Variants in NEBL observed in about 807,000 individuals in gnomAD.
The protein encoded by NEBL is nebulette.
Under a neutral mutation model 140.2 loss-of-function variants are expected in NEBL, and 122 were observed. That is an observed-to-expected ratio of 0.87 (90% CI 0.75 to 1.01). NEBL has a LOEUF of 1.01. Ranked by LOEUF, NEBL falls within the 50% of genes least tolerant of loss-of-function variation. NEBL has a pLI of 0.00. For missense variants in NEBL, 1,365 were observed against 1,231.3 expected (o/e 1.11, Z -1.62); for synonymous variants, 436 against 398.9 (o/e 1.09, Z -1.11).
chr10:20,800,941 T>C (rs1837063223), intron 26 of NEBL, among the ~76,000 whole-genome samples: 1 of 152,132 alleles, frequency 6.6e-6, no homozygotes, highest in African/African-American at 2.4e-5. Context: ...TTAAGTCTCC[T>C]ACAGGATAAA....
chr10:20,880,939 A>G, intron 4 of NEBL, 35 bp from the exon 5 acceptor site: 1 of 1,545,550 alleles, frequency 6.5e-7, no homozygotes, highest in South Asian at 1.1e-5. Context: ...TCCCATTTAG[A>G]GGCATATAAA....
intron 3 of NEBL, among the ~76,000 whole-genome samples, chr10:20,978,538 G>A (rs1589101870): frequency 6.6e-6 from 1 of 152,050 alleles, no homozygotes; most frequent in Admixed American, 6.6e-5. Context: ...GGAAGGATTG[G>A]TTGAGGCCAG....
intron 26 of NEBL, among the ~76,000 whole-genome samples, chr10:20,807,504 A>G (rs1837712825): frequency 2.0e-5 from 3 of 152,246 alleles, no homozygotes; most frequent in Non-Finnish European, 4.4e-5. Context: ...CAGTTTTACA[A>G]TTCAAGATGT....
At chr10:21,133,185 C>CT (rs924423667) in intron 2 of NEBL, among the ~76,000 whole-genome samples, 1 of 152,100 alleles carries the variant, frequency 6.6e-6, no homozygotes, top group African/African-American at 2.4e-5. Flanking sequence ...TACCAGCTTT[C>CT]TTTTTGTGAC....
intron 2 of NEBL, among the ~76,000 whole-genome samples, chr10:20,896,483 C>CATATATATATATATATATATATAT (rs57289458): frequency 3.4e-5 from 3 of 88,086 alleles, no homozygotes; most frequent in South Asian, 3.6e-4. Context: ...ATATTATATG[C>CATATATATATATATATATATATAT]ATATATATAT....
At chr10:20,944,478 G>A (rs537273154) in intron 4 of NEBL, among the ~76,000 whole-genome samples, 54 of 152,160 alleles carry the variant, frequency 3.5e-4, no homozygotes, top group Non-Finnish European at 5.4e-4. Flanking sequence ...CCACATTGCA[G>A]ACATTTTAGG....
intron 3 of NEBL, among the ~76,000 whole-genome samples, chr10:21,209,228 G>T (rs1841877924): frequency 6.6e-6 from 1 of 152,156 alleles, no homozygotes; most frequent in Non-Finnish European, 1.5e-5. Context: ...TTTTCTGGAA[G>T]CCCCCCTCTC....
At chr10:20,873,800 G>T (rs1845214991) in intron 5 of NEBL, among the ~76,000 whole-genome samples, 1 of 151,948 alleles carries the variant, frequency 6.6e-6, no homozygotes, top group South Asian at 2.1e-4. Flanking sequence ...AATGAGCATT[G>T]CACTGAATCT....
chr10:21,083,535 G>C (rs966667782), intron 2 of NEBL, among the ~76,000 whole-genome samples: 5 of 152,102 alleles, frequency 3.3e-5, no homozygotes, highest in Admixed American at 1.3e-4. Flanking sequence ...AAGATCATCA[G>C]CCACTATATA....
chr10:20,985,816 G>GT, intron 3 of NEBL, among the ~76,000 whole-genome samples: 1 of 152,214 alleles, frequency 6.6e-6, no homozygotes, highest in African/African-American at 2.4e-5. Context: ...AAAAACCAGT[G>GT]TGCATCTCTA....
chr10:20,809,514 C>T (rs1837920859), intron 25 of NEBL, among the ~76,000 whole-genome samples: 1 of 152,066 alleles, frequency 6.6e-6, no homozygotes, highest in Admixed American at 6.6e-5. Context: ...TGTCTCAGCA[C>T]TTTAGTGCAA....
At chr10:21,219,085 A>G (rs10219082) in intron 3 of NEBL, among the ~76,000 whole-genome samples, 42,902 of 152,084 alleles carry the variant, frequency 0.28, 10,970 homozygotes, top group African/African-American at 0.69. Context: ...ATATTTTGGG[A>G]TGGCATACCC....
In NEBL at chr10:21,082,048, A is replaced by T. The variant is rs1833985931; in HGVS notation, c.165-61847T>A. ...GTGCCACCTGATAGGATACCATGAA[A>T]AGAACATAGCACCCCTTTCATGAAA... On this transcript the variant is annotated intron_variant, in intron 2 of 6. Transcript: ENST00000417816. 2.6e-5 allele frequency among the ~76,000 whole-genome samples: 4 copies of T among 152,174 alleles called. No homozygotes were observed. In the South Asian group the frequency reaches 8.3e-4, roughly 32 times the overall value.
chr10:20,919,988 A>T (rs1723007009), intron 4 of NEBL, among the ~76,000 whole-genome samples: 1 of 152,208 alleles, frequency 6.6e-6, no homozygotes. Flanking sequence ...TCAACAACCC[A>T]ATATGGACAA....
chr10:20,838,982 A>T (rs1841151889), intron 13 of NEBL, among the ~76,000 whole-genome samples: 1 of 152,310 alleles, frequency 6.6e-6, no homozygotes. Context: ...GAATCACTTT[A>T]TTGTGATATT....
intron 4 of NEBL, among the ~76,000 whole-genome samples, chr10:20,937,934 C>T (rs997751470): frequency 3.9e-5 from 6 of 152,144 alleles, no homozygotes; most frequent in Admixed American, 1.3e-4. Context: ...GTAAACAAAG[C>T]GGCCAGGAAG....
chr10:21,185,022 C>A (rs1841443081), intron 3 of NEBL, among the ~76,000 whole-genome samples: 2 of 152,180 alleles, frequency 1.3e-5, no homozygotes, highest in African/African-American at 4.8e-5. Context: ...CTTACCTTCT[C>A]CCATCCTGGC....
intron 3 of NEBL, among the ~76,000 whole-genome samples, chr10:21,012,918 G>A (rs1263518871): frequency 6.6e-6 from 1 of 152,184 alleles, no homozygotes; most frequent in East Asian, 1.9e-4. Context: ...AGATGAAAAG[G>A]ATGCAGGTCA....
chr10:20,804,647 G>A (rs1837441391), intron 26 of NEBL: 1 of 152,126 alleles, frequency 6.6e-6, no homozygotes, highest in Admixed American at 6.6e-5. Context: ...CCAGGCTGGG[G>A]GAACAGTGTG....
Sources: gnomAD v4.1 joint callset for allele counts (sites outside exome capture counted in the v4.1 genomes callset) on GRCh38, gnomAD v4.1.1 for gene constraint, MANE v1.5 for transcripts, NCBI Gene and HGNC (gene_info 2026-07-23, HGNC 2026-07-21) for gene names.